The following CAMKMT variants were observed in gnomAD, a reference collection of about 807,000 sequenced individuals.
CAMKMT encodes CaM KMT.
CAMKMT carries 53 observed loss-of-function variants against 48.0 expected under a neutral mutation model. The ratio of observed to expected loss-of-function variants is 1.10; its 90% CI spans 0.89 to 1.39. CAMKMT has a LOEUF of 1.39. Among genes scored for constraint, CAMKMT ranks in the 40% most tolerant of loss-of-function variants. The probability of loss-of-function intolerance (pLI) is 0.00; values close to 1 mark genes in which losing one functional copy is unlikely to be tolerated. For synonymous variants in CAMKMT, 165 were observed against 152.3 expected, an observed-to-expected ratio of 1.08 and a Z score of -0.61; for missense variants, 428 against 402.7, an observed-to-expected ratio of 1.06 and a Z score of -0.54.
At chr2:44,454,265 C>T (rs949363610) in intron 3 of CAMKMT, among the ~76,000 whole-genome samples, 2 of 151,938 alleles carry the variant, frequency 1.3e-5, no homozygotes, top group African/African-American at 2.4e-5. Context: ...AGCTAATTGC[C>T]AGAGCTTTTA....
chr2:44,373,831 C>A (rs934646032), intron 2 of CAMKMT, among the ~76,000 whole-genome samples: 1 of 151,990 alleles, frequency 6.6e-6, no homozygotes. Context: ...TACTATTTTA[C>A]TGAAAATGCC....
intron 3 of CAMKMT, among the ~76,000 whole-genome samples, chr2:44,551,433 G>C (rs1345146447): frequency 6.6e-6 from 1 of 152,036 alleles, no homozygotes; most frequent in African/African-American, 2.4e-5. Context: ...ATTACCACTG[G>C]GCCTTGAAAC....
chr2:44,506,529 T>C (rs1256258333), intron 3 of CAMKMT, among the ~76,000 whole-genome samples: 1 of 152,196 alleles, frequency 6.6e-6, no homozygotes, highest in Non-Finnish European at 1.5e-5. Flanking sequence ...TAATTTATTC[T>C]TTGTTTATAT....
intron 3 of CAMKMT, among the ~76,000 whole-genome samples, chr2:44,673,686 A>C (rs1039022545): frequency 2.0e-5 from 3 of 152,150 alleles, no homozygotes; most frequent in African/African-American, 2.4e-5. Flanking sequence ...ATGACAAATA[A>C]AGGAGCCAAG....
chr2:44,376,647 A>G (rs1400047280), intron 2 of CAMKMT, among the ~76,000 whole-genome samples: 1 of 152,120 alleles, frequency 6.6e-6, no homozygotes, highest in Non-Finnish European at 1.5e-5. Flanking sequence ...GTTTTATTAG[A>G]GTTGAAGTGA....
At position 44,734,898 on chromosome 2, in the gene CAMKMT, T is replaced by C. The variant is rs1679275493; in HGVS notation, c.624-8724T>C. 2.0e-5 allele frequency among the ~76,000 whole-genome samples: 3 copies of C among 152,218 alleles called. No homozygotes were observed. In the South Asian group the frequency reaches 6.2e-4, roughly 32 times the overall value. On this transcript the variant is annotated intron_variant, in intron 7 of 10. Coordinates refer to ENST00000378494, the MANE Select transcript of CAMKMT (RefSeq NM_024766.5). ...TAGTGTTGTTTAAGTCATCTGTAGC[T>C]TTGCTTATTTTCTGTCTACTTGTTC...
At chr2:44,624,502 A>C (rs970628866) in intron 3 of CAMKMT, among the ~76,000 whole-genome samples, 77 of 151,390 alleles carry the variant, frequency 5.1e-4, no homozygotes, top group East Asian at 7.8e-4. Flanking sequence ...AACAGTCCCC[A>C]GTGTGTGATG....
chr2:44,390,393 T>C, intron 3 of CAMKMT, 88 bp downstream of exon 3: 1 of 931,620 alleles, frequency 1.1e-6, no homozygotes, highest in Non-Finnish European at 1.6e-6. Context: ...TAATATTTAT[T>C]ATACTCACTA....
intron 3 of CAMKMT, among the ~76,000 whole-genome samples, chr2:44,492,342 A>G (rs1406556405): frequency 6.6e-6 from 1 of 152,178 alleles, no homozygotes; most frequent in Non-Finnish European, 1.5e-5. Flanking sequence ...AATGTAAATT[A>G]TATATTTTTA....
At chr2:44,685,834 T>TG (rs1676304566) in intron 3 of CAMKMT, among the ~76,000 whole-genome samples, 1 of 152,150 alleles carries the variant, frequency 6.6e-6, no homozygotes, top group Non-Finnish European at 1.5e-5. Flanking sequence ...ATTTCAACAA[T>TG]GGAACAGGAA....
chr2:44,592,261 G>A (rs1670338794), intron 3 of CAMKMT, among the ~76,000 whole-genome samples: 1 of 150,654 alleles, frequency 6.6e-6, no homozygotes, highest in South Asian at 2.1e-4. Flanking sequence ...TTTTTTATGG[G>A]TACTGCAATA....
At chr2:44,699,680 C>T (rs1341041780) in intron 3 of CAMKMT, among the ~76,000 whole-genome samples, 3 of 152,042 alleles carry the variant, frequency 2.0e-5, no homozygotes, top group African/African-American at 7.2e-5. Context: ...AATCCTAGCC[C>T]ACTACAGCCT....
chr2:44,365,816 C>G (rs1678533058), intron 1 of CAMKMT, among the ~76,000 whole-genome samples: 2 of 152,182 alleles, frequency 1.3e-5, no homozygotes, highest in South Asian at 4.1e-4. Context: ...TATTTACAAA[C>G]CACCTACCGA....
At position 44,772,233 on chromosome 2, in the gene CAMKMT, G is replaced by A; in HGVS notation, c.*120G>A. ...GCGCCCTTTGCAGCATTTCACGTGT[G>A]GGCTATGGACTCCACCTGTCCTCAC... On this transcript the variant is annotated 3_prime_UTR_variant, in exon 11 of 11. Coordinates refer to ENST00000378494, the MANE Select transcript of CAMKMT (RefSeq NM_024766.5). 1 of 762,310 alleles carries A rather than the reference G, an allele frequency of 1.3e-6. No homozygotes were observed. The highest frequency in any genetic ancestry group is 1.7e-5 in the South Asian group (1 of 58,946). 47.2% of individuals were successfully genotyped at this position (762,310 alleles called of 1,614,324 possible). A position where few individuals can be genotyped will look rare whatever the true frequency, so the allele number is the denominator to read the frequency against.
At chr2:44,496,848 T>C (rs181118345) in intron 3 of CAMKMT, among the ~76,000 whole-genome samples, 17 of 152,344 alleles carry the variant, frequency 1.1e-4, no homozygotes, top group African/African-American at 3.8e-4. Context: ...CTGGGGACTC[T>C]GATACACTGA....
intron 3 of CAMKMT, among the ~76,000 whole-genome samples, chr2:44,606,819 A>G (rs149062111): frequency 7.4e-6 from 1 of 135,446 alleles, no homozygotes; most frequent in African/African-American, 2.8e-5. Context: ...CCCCCCCCCC[A>G]CCAAGATTAC....
rs189338467 is a variant in CAMKMT, at chr2:44,387,089, G to A, written c.312-3152G>A. Among the ~76,000 whole-genome samples, 239 of 152,302 alleles carry A rather than the reference G, an allele frequency of 1.6e-3. 2 individuals are homozygous for A. The highest frequency in any genetic ancestry group is 1.4e-3 in the Non-Finnish European group (96 of 68,020). On this transcript the variant is annotated intron_variant, in intron 2 of 10. Coordinates refer to ENST00000378494, the MANE Select transcript of CAMKMT (RefSeq NM_024766.5). ...TTCCTTGTTGACTTTCTGTCTTGATGACCTGTCTAGTGCTGTCAGTGGAGT... is the reference window on the plus strand; with the variant it reads ...TTCCTTGTTGACTTTCTGTCTTGATAACCTGTCTAGTGCTGTCAGTGGAGT...
chr2:44,394,432 AT>A (rs1018114639), intron 3 of CAMKMT, among the ~76,000 whole-genome samples: 489 of 139,016 alleles, frequency 3.5e-3, no homozygotes, highest in Middle Eastern at 3.8e-3. Context: ...ACTGACCAGG[AT>A]TTTTTTTTTT....
chr2:44,670,159 A>C (rs1675244750), intron 3 of CAMKMT, among the ~76,000 whole-genome samples: 1 of 152,290 alleles, frequency 6.6e-6, no homozygotes, highest in African/African-American at 2.4e-5. Context: ...CCCAGTTTTT[A>C]GCTTGTCTGT....
Sources: gnomAD v4.1 joint callset for allele counts (sites outside exome capture counted in the v4.1 genomes callset) on GRCh38, gnomAD v4.1.1 for gene constraint, MANE v1.5 for transcripts, NCBI Gene and HGNC (gene_info 2026-07-23, HGNC 2026-07-21) for gene names.